Variants in ANKRD30B observed in about 807,000 individuals in gnomAD.
ANKRD30B encodes ankyrin repeat domain-containing protein 30B.
Under a neutral mutation model 202.2 loss-of-function variants are expected in ANKRD30B, and 144 were observed. The ratio of observed to expected loss-of-function variants is 0.71; its 90% CI spans 0.62 to 0.82. The LOEUF is 0.82. Ranked by LOEUF, ANKRD30B falls within the 40% of genes least tolerant of loss-of-function variation. The probability of loss-of-function intolerance (pLI) is 0.00; values close to 1 mark genes in which losing one functional copy is unlikely to be tolerated. For missense variants in ANKRD30B, 1,487 were observed against 1,669.1 expected, an observed-to-expected ratio of 0.89 and a Z score of 1.90; for synonymous variants, 508 against 561.3, an observed-to-expected ratio of 0.91 and a Z score of 1.34.
chr18:14,868,488 G>A, the ANKRD30B span, among the ~76,000 whole-genome samples: 1 of 152,284 alleles, frequency 6.6e-6, no homozygotes, highest in Admixed American at 6.5e-5. Flanking sequence ...CTGGGTTTTG[G>A]TGTTGTGGGA....
chr18:14,843,788 C>T (rs1281667492), intron 39 of ANKRD30B, among the ~76,000 whole-genome samples: 1 of 152,016 alleles, frequency 6.6e-6, no homozygotes, highest in East Asian at 1.9e-4. Context: ...AGCGAGACTC[C>T]GTCTCAAAAA....
At chr18:14,904,536 T>C in the ANKRD30B span, among the ~76,000 whole-genome samples, 1 of 152,152 alleles carries the variant, frequency 6.6e-6, no homozygotes, top group Non-Finnish European at 1.5e-5. Context: ...GATCTTTTTC[T>C]ATTCCTCAAC....
At chr18:14,824,599 A>C (rs1970588912) in intron 32 of ANKRD30B, among the ~76,000 whole-genome samples, 1 of 152,230 alleles carries the variant, frequency 6.6e-6, no homozygotes, top group African/African-American at 2.4e-5. Context: ...ATAAATATGT[A>C]AATAAACTTG....
At chr18:14,787,451 G>C (rs9709715) in intron 15 of ANKRD30B, among the ~76,000 whole-genome samples, 60,604 of 152,004 alleles carry the variant, frequency 0.4, 13,476 homozygotes, top group East Asian at 0.58. Flanking sequence ...CTTATATCTA[G>C]ATGTACAAAA....
the ANKRD30B span, among the ~76,000 whole-genome samples, chr18:14,930,509 G>T: frequency 2.0e-5 from 3 of 152,284 alleles, no homozygotes; most frequent in South Asian, 6.2e-4. Context: ...AGAGTGGAGA[G>T]GAAGGAGAGT....
At chr18:14,765,940 G>C (rs1333981328) in intron 7 of ANKRD30B, among the ~76,000 whole-genome samples, 1 of 151,912 alleles carries the variant, frequency 6.6e-6, no homozygotes, top group Non-Finnish European at 1.5e-5. Context: ...TAATTGGTAG[G>C]GTTTCTTTTT....
At chr18:14,930,156 G>T in the ANKRD30B span, among the ~76,000 whole-genome samples, 1 of 152,196 alleles carries the variant, frequency 6.6e-6, no homozygotes, top group East Asian at 1.9e-4. Flanking sequence ...GCAGGACACT[G>T]GCTCGCCAGG....
At chr18:14,787,976 T>G (rs1968194692) in intron 15 of ANKRD30B, among the ~76,000 whole-genome samples, 1 of 152,202 alleles carries the variant, frequency 6.6e-6, no homozygotes, top group African/African-American at 2.4e-5. Context: ...TTCAAGCACT[T>G]TTTCTATCAT....
Position 14,787,111 on chromosome 18 carries a change from T to C in ANKRD30B, c.1734+11T>C. The stretch of plus-strand genomic sequence containing the variant: ...TCTTGGGATTCTGAGGTACTATGTG[T>C]TATTGATTTTTTTAAATATTAGTAT... On this transcript the variant is annotated intron_variant, in intron 15 of 43. Transcript: ENST00000690538. 2 of 1,598,682 alleles carry C rather than the reference T, an allele frequency of 1.3e-6. No homozygotes were observed. The highest frequency in any genetic ancestry group is 1.7e-6 in the Non-Finnish European group (2 of 1,172,294).
chr18:14,816,727 G>A (rs993402481), intron 30 of ANKRD30B: 7 of 151,282 alleles, frequency 4.6e-5, no homozygotes, highest in East Asian at 3.9e-4. Flanking sequence ...GTCCAACAAC[G>A]CTAGACTGGA....
rs1394233337 is a variant in ANKRD30B at position 14,807,173 on chromosome 18, G to T, written c.2285-1378G>T. 2.0e-5 allele frequency among the ~76,000 whole-genome samples: 3 copies of T among 150,854 alleles called. 1 individual carries two copies. The highest frequency in any genetic ancestry group is 4.4e-5 in the Non-Finnish European group (3 of 67,764). On this transcript the variant is annotated intron_variant, in intron 24 of 43. Transcript: ENST00000690538. ...AGGAAACAACATATATACTTGACAT[G>T]TCTAAATATATTAAAGTGTGTCTTA...
the ANKRD30B span, among the ~76,000 whole-genome samples, chr18:14,921,431 T>C: frequency 6.6e-6 from 1 of 152,166 alleles, no homozygotes; most frequent in Non-Finnish European, 1.5e-5. Flanking sequence ...TTGCCTGTTG[T>C]GGTGCAACCA....
chr18:14,907,600 A>C, the ANKRD30B span, among the ~76,000 whole-genome samples: 1 of 152,204 alleles, frequency 6.6e-6, no homozygotes, highest in Non-Finnish European at 1.5e-5. Context: ...GACTTTGACA[A>C]AGATGCACTG....
intron 20 of ANKRD30B, among the ~76,000 whole-genome samples, chr18:14,798,874 A>G (rs1459295643): frequency 6.6e-6 from 1 of 152,122 alleles, no homozygotes; most frequent in Non-Finnish European, 1.5e-5. Flanking sequence ...TTGTATTTAC[A>G]ATAATCAGGA....
chr18:14,848,827 A>G lies in ANKRD30B; in HGVS notation c.3293A>G (p.Asn1098Ser), dbSNP rs774943491. The G allele has an allele frequency of 1.9e-6, 3 of 1,586,144 alleles. No individual in the cohort carries two copies. The highest frequency in any genetic ancestry group is 2.7e-5 in the African/African-American group (2 of 73,860). ...QITAKMEQTK[N>S]KFCVLQKELS... ...ACAGCAAAAATGGAACAAACGAAAA[A>G]TAAGTTTTGTGTACTACAAAAGGAA... Residue 1098 changes from asparagine (N) to serine (S), a missense_variant, in exon 40 of 44, where the codon AAT (asparagine) becomes AGT (serine). Transcript: ENST00000690538.
intron 20 of ANKRD30B, among the ~76,000 whole-genome samples, chr18:14,798,643 A>C (rs554669238): frequency 1.7e-3 from 260 of 151,964 alleles, no homozygotes; most frequent in African/African-American, 5.9e-3. Flanking sequence ...ATGGACAGGC[A>C]CCCCCCTCCG....
the ANKRD30B span, among the ~76,000 whole-genome samples, chr18:14,908,595 T>A: frequency 6.6e-6 from 1 of 152,170 alleles, no homozygotes; most frequent in African/African-American, 2.4e-5. Context: ...CATCCATGTG[T>A]TCGTGTGCTT....
At chr18:14,845,352 C>G (rs1339023122) in intron 39 of ANKRD30B, among the ~76,000 whole-genome samples, 4 of 152,298 alleles carry the variant, frequency 2.6e-5, no homozygotes, top group African/African-American at 4.8e-5. Flanking sequence ...ATAGGGAATT[C>G]TTTTCACATT....
chr18:14,864,376 C>A, the ANKRD30B span, among the ~76,000 whole-genome samples: 4 of 152,122 alleles, frequency 2.6e-5, no homozygotes, highest in Non-Finnish European at 4.4e-5. Flanking sequence ...ACAAAAAAAA[C>A]CCTGAAATCA....
Sources: gnomAD v4.1 joint callset for allele counts (sites outside exome capture counted in the v4.1 genomes callset) on GRCh38, gnomAD v4.1.1 for gene constraint, MANE v1.5 for transcripts, NCBI Gene and HGNC (gene_info 2026-07-23, HGNC 2026-07-21) for gene names.